Variants in MAP4 observed in about 807,000 individuals in gnomAD.
MAP4 encodes the protein microtubule associated protein 4, also known as microtubule-associated protein 4.
A neutral mutation model predicts 170.2 loss-of-function variants in MAP4; 76 were observed. The ratio of observed to expected loss-of-function variants is 0.45; its 90% confidence interval spans 0.37 to 0.54. The LOEUF (loss-of-function observed/expected upper bound fraction) is 0.54. Ranked by LOEUF, MAP4 falls within the 20% of genes least tolerant of loss-of-function variation. The pLI, the probability that MAP4 is intolerant of heterozygous loss-of-function variation, is 0.00. For synonymous variants in MAP4, 909 were observed against 994.5 expected, an observed-to-expected ratio of 0.91 and a Z score of 1.62; for missense variants, 2,506 against 2,748.0, an observed-to-expected ratio of 0.91 and a Z score of 1.97.
chr3:47,903,156 C>T (rs143008179), intron 9 of MAP4, among the ~76,000 whole-genome samples, 156 bp from the exon 10 acceptor site: 2,042 of 152,200 alleles, frequency 0.013, 26 homozygotes, highest in Middle Eastern at 0.037. Flanking sequence ...AGGGGAACAA[C>T]TAACATGGAG....
intron 10 of MAP4, among the ~76,000 whole-genome samples, chr3:47,888,641 G>A (rs960544009): frequency 3.3e-5 from 5 of 152,196 alleles, no homozygotes; most frequent in Non-Finnish European, 7.3e-5. Flanking sequence ...GCGAGGGTCC[G>A]TGGCTTCATT....
chr3:48,038,917 C>G (rs2100120206), intron 1 of MAP4, among the ~76,000 whole-genome samples: 1 of 152,068 alleles, frequency 6.6e-6, no homozygotes. Flanking sequence ...GCCTGGGCAA[C>G]ATGGTGAGAT....
chr3:47,983,043 T>A (rs1157032127), intron 2 of MAP4, among the ~76,000 whole-genome samples: 3 of 152,110 alleles, frequency 2.0e-5, no homozygotes, highest in African/African-American at 7.2e-5. Flanking sequence ...TAGCTGGGAC[T>A]ACAGGCGTGC....
chr3:47,886,935 T>TA (rs2097690950), intron 10 of MAP4, among the ~76,000 whole-genome samples: 1 of 152,244 alleles, frequency 6.6e-6, no homozygotes, highest in South Asian at 2.1e-4. Flanking sequence ...TCATCACACT[T>TA]ACTGAGAACA....
rs200090514 is a variant in MAP4 at position 47,870,784 on chromosome 3, T to C, written c.6294+29A>G. On this transcript the variant is annotated intron_variant, in intron 15 of 20. Coordinates refer to ENST00000683076, the MANE Select transcript of MAP4 (RefSeq NM_001385682.1). ...GGAGGGGAAGATGCAGGGGCCAGCA[T>C]GCCAGGACCCCAAGCTCCCTGGACC... 6 of 1,518,424 alleles carry C rather than the reference T, an allele frequency of 4.0e-6. No individual in the cohort carries two copies. The Admixed American group carries it at 8.8e-5, about 22-fold the overall frequency. 94.1% of individuals were successfully genotyped at this position (1,518,424 alleles called of 1,614,324 possible).
At chr3:48,052,330 C>T (rs901147364) in intron 1 of MAP4, among the ~76,000 whole-genome samples, 2 of 152,202 alleles carry the variant, frequency 1.3e-5, no homozygotes, top group African/African-American at 2.4e-5. Context: ...AAGCTATTCT[C>T]GTGCCTCAGC....
Position 48,062,039 on chromosome 3 carries a change from C to T in MAP4, c.-20+26734G>A, listed in dbSNP as rs568815112. On this transcript the variant is annotated intron_variant, in intron 1 of 18. Transcript: ENST00000360240. Reference sequence around the variant, plus strand: ...TGGGAACGGGCCATGATGAGGATGGCGGTTTTGTCGAGTAGAAAGGGGGGA... The same window carrying T: ...TGGGAACGGGCCATGATGAGGATGGTGGTTTTGTCGAGTAGAAAGGGGGGA... Among the ~76,000 whole-genome samples the T allele has an allele frequency of 1.2e-3, 186 of 152,170 alleles. 8 individuals carry two copies. The South Asian group carries it at 0.037, about 30-fold the overall frequency.
chr3:47,976,016 C>T (rs2100081931), intron 3 of MAP4, among the ~76,000 whole-genome samples: 1 of 152,130 alleles, frequency 6.6e-6, no homozygotes, highest in African/African-American at 2.4e-5. Flanking sequence ...TCTCAAACTC[C>T]CAACCTCAGG....
intron 3 of MAP4, chr3:47,975,459 T>C (rs1189263207): frequency 4.5e-6 from 7 of 1,568,470 alleles, no homozygotes; most frequent in African/African-American, 1.4e-5. Flanking sequence ...AGAGACACGC[T>C]AGGCTTCTAG....
intron 2 of MAP4, among the ~76,000 whole-genome samples, chr3:47,982,847 G>T (rs1403923711): frequency 6.6e-6 from 1 of 152,140 alleles, no homozygotes; most frequent in African/African-American, 2.4e-5. Flanking sequence ...AGTCTTAAAA[G>T]ATCTACCCTT....
intron 3 of MAP4, among the ~76,000 whole-genome samples, chr3:47,972,551 T>C (rs1276824276): frequency 6.6e-6 from 1 of 152,216 alleles, no homozygotes; most frequent in Non-Finnish European, 1.5e-5. Flanking sequence ...ACTTCTTAAC[T>C]TTTATAATTC....
intron 1 of MAP4, among the ~76,000 whole-genome samples, chr3:48,054,734 G>C (rs1176622146): frequency 6.8e-6 from 1 of 146,700 alleles, no homozygotes; most frequent in Non-Finnish European, 1.5e-5. Context: ...CTTGAAACCT[G>C]AAAGCAGAGG....
intron 1 of MAP4, among the ~76,000 whole-genome samples, chr3:48,067,448 C>A (rs958018277): frequency 1.4e-4 from 21 of 152,168 alleles, no homozygotes; most frequent in African/African-American, 5.1e-4. Context: ...ACCACCTGAG[C>A]CTCCCAGAGT....
At chr3:47,864,362 A>T (rs2151303307) in intron 17 of MAP4, among the ~76,000 whole-genome samples, 1 of 152,224 alleles carries the variant, frequency 6.6e-6, no homozygotes, top group East Asian at 1.9e-4. Context: ...CCAATATAGC[A>T]AAACCCCGTC....
rs1190767970 is a variant in MAP4 at position 48,082,774 on chromosome 3, G to A, written c.-20+5999C>T. Among the ~76,000 whole-genome samples the A allele has an allele frequency of 7.4e-5, 11 of 149,104 alleles. No homozygotes were observed. The Admixed American group carries it at 7.4e-4, about 10-fold the overall frequency. The stretch of plus-strand genomic sequence containing the variant: ...GATCATGCTACTGCACTCCAGCCTG[G>A]GCAACAGAGCAAGACTTTGTCTCAA... On this transcript the variant is annotated intron_variant, in intron 1 of 18. Transcript: ENST00000360240.
At chr3:47,996,090 C>T (rs1157357413) in intron 2 of MAP4, among the ~76,000 whole-genome samples, 3 of 152,148 alleles carry the variant, frequency 2.0e-5, no homozygotes, top group African/African-American at 7.2e-5. Context: ...ATGGTACAGA[C>T]CTGGAGAAGG....
intron 13 of MAP4, among the ~76,000 whole-genome samples, 154 bp from the exon 14 acceptor site, chr3:47,871,440 T>C (rs1195149479): frequency 6.6e-6 from 1 of 152,184 alleles, no homozygotes; most frequent in Non-Finnish European, 1.5e-5. Context: ...GTAAATTAGA[T>C]GGTCAGGCAC....
chr3:47,879,645 T>G (rs1203305324), intron 10 of MAP4, among the ~76,000 whole-genome samples: 1 of 151,756 alleles, frequency 6.6e-6, no homozygotes, highest in Non-Finnish European at 1.5e-5. Context: ...TGTGTAGTGC[T>G]ATGCAACTTT....
At chr3:48,018,961 G>C (rs1015847180), upstream of MAP4, among the ~76,000 whole-genome samples, 1 of 152,116 alleles carries the variant, frequency 6.6e-6, no homozygotes, top group African/African-American at 2.4e-5. Flanking sequence ...ATCATTATTA[G>C]GCATAGCAAT....
Sources: gnomAD v4.1 joint callset for allele counts (sites outside exome capture counted in the v4.1 genomes callset) on GRCh38, gnomAD v4.1.1 for gene constraint, MANE v1.5 for transcripts, NCBI Gene and HGNC (gene_info 2026-07-23, HGNC 2026-07-21) for gene names.